The following PRMT2 variants were observed in gnomAD, a reference collection of about 807,000 sequenced individuals.
PRMT2 encodes protein arginine N-methyltransferase 2.
Under a neutral mutation model 57.6 loss-of-function variants are expected in PRMT2, and 26 were observed. That is an observed-to-expected ratio of 0.45 (90% CI 0.33 to 0.63). PRMT2 has a LOEUF of 0.63. Ranked by LOEUF, PRMT2 falls within the 20% of genes least tolerant of loss-of-function variation. The probability of loss-of-function intolerance (pLI) is 0.02; values close to 1 mark genes in which losing one functional copy is unlikely to be tolerated. For missense variants in PRMT2, 472 were observed against 564.4 expected (o/e 0.84, Z 1.66); for synonymous variants, 219 against 220.0 (o/e 1.00, Z 0.04).
chr21:46,652,016 G>A, intron 7 of PRMT2: 1 of 1,613,094 alleles, frequency 6.2e-7, no homozygotes, highest in Non-Finnish European at 8.5e-7. Flanking sequence ...ACGCTGACAT[G>A]TAGTAAAAGT....
At chr21:46,637,303 G>C (rs992770646) in intron 3 of PRMT2, among the ~76,000 whole-genome samples, 4 of 152,126 alleles carry the variant, frequency 2.6e-5, no homozygotes, top group Admixed American at 2.0e-4. Flanking sequence ...TAAAATTTCA[G>C]GCATAATACC....
chr21:46,648,377 G>T lies in PRMT2; in HGVS notation c.328-81G>T. The T allele has an allele frequency of 6.6e-7, 1 of 1,504,380 alleles. No individual in the cohort carries two copies. 93.2% of individuals were successfully genotyped at this position (1,504,380 alleles called of 1,614,324 possible). On this transcript the variant is annotated intron_variant, in intron 5 of 11. Transcript: ENST00000355680. This position sits in a 1 kb window ranked among gnomAD's most constrained non-coding sequence, Gnocchi z 4.8. ...GTTGGGGTCAGGGGTCATCAGCTGT[G>T]GCTCTGACCCTCCATCTCAGTCCAG...
chr21:46,660,916 C>T lies in PRMT2; in HGVS notation c.914C>T (p.Thr305Ile), dbSNP rs748902334. 1 of 1,613,490 alleles carries T rather than the reference C, an allele frequency of 6.2e-7. No homozygotes were observed. Among genetic ancestry groups the T allele is most frequent in the Non-Finnish European group, 8.5e-7 (1 of 1,179,496 alleles). ...KPEDCLSEPC[T>I]ILQLDMRTVQ... ...GAAGACTGTCTCTCTGAACCGTGCA[C>T]TATATTGCAGTTGGACATGAGAACC... Residue 305 changes from threonine to isoleucine, a missense_variant, in exon 9 of 12, where the codon ACT becomes ATT. Around this residue, in one of 2 missense-constraint regions of PRMT2, gnomAD observed 229 missense variants for 217.2 expected, o/e 1.05. Transcript: ENST00000355680.
At chr21:46,651,973 C>A in intron 7 of PRMT2, 7 of 1,613,294 alleles carry the variant, frequency 4.3e-6, no homozygotes, top group Middle Eastern at 1.6e-4. Flanking sequence ...AGCCCTCAGG[C>A]CTTCATCTCT....
intron 7 of PRMT2, chr21:46,652,093 G>T: frequency 6.4e-7 from 1 of 1,552,306 alleles, no homozygotes; most frequent in Non-Finnish European, 8.7e-7. Context: ...GTGCAGCAAG[G>T]GCATGTAGTT....
rs779003872 is a variant in PRMT2, at chr21:46,649,293, C to T, written c.490-282C>T. ...CTGGTCATGGATTAAGATTGCTGTG[C>T]GTGTGGCAGCCGGCTCGGGCATGCG... is the stretch of plus-strand genomic sequence containing the variant. On this transcript the variant is annotated intron_variant, in intron 6 of 11. Coordinates refer to ENST00000355680, the MANE Select transcript of PRMT2 (RefSeq NM_206962.4). The surrounding 1 kb of genome is among the most constrained non-coding windows in gnomAD (Gnocchi z 4.8). Among the ~76,000 whole-genome samples the T allele has an allele frequency of 3.3e-5, 5 of 152,184 alleles. No homozygotes were observed. Among genetic ancestry groups the T allele is most frequent in the African/African-American group, 7.2e-5 (3 of 41,444 alleles).
intron 5 of PRMT2, among the ~76,000 whole-genome samples, chr21:46,647,435 A>G (rs1377497921): frequency 3.3e-5 from 5 of 152,236 alleles, no homozygotes; most frequent in South Asian, 2.1e-4. Flanking sequence ...CTTCCTCACT[A>G]TAAGATTATA....
At chr21:46,644,263 A>ATC (rs1451026603) in intron 4 of PRMT2, 43 bp from the exon 5 acceptor site, 1 of 1,576,098 alleles carries the variant, frequency 6.3e-7, no homozygotes, top group Non-Finnish European at 8.6e-7. Flanking sequence ...TTGAAATACC[A>ATC]ATGACTGGTT....
In PRMT2 at chr21:46,660,927, T is replaced by C. The variant is rs2061610510; in HGVS notation, c.925T>C (p.Leu309=). The change falls in exon 9 of 12, where the codon TTG becomes CTG. Residue 309 remains leucine, a synonymous_variant. Coordinates refer to ENST00000355680, the MANE Select transcript of PRMT2 (RefSeq NM_206962.4). ...CLSEPCTILQ[L]DMRTVQISDL... is the part of the protein sequence containing the mutation. ...CTCTGAACCGTGCACTATATTGCAG[T>C]TGGACATGAGAACCGTGCAAATTTC... The C allele has an allele frequency of 5.6e-6, 9 of 1,613,414 alleles. No homozygotes were observed. Among genetic ancestry groups the C allele is most frequent in the South Asian group, 1.1e-5 (1 of 91,048 alleles).
At chr21:46,643,333 AT>A (rs906519000) in intron 3 of PRMT2, 11,887 of 867,444 alleles carry the variant, frequency 0.014, no homozygotes, top group Non-Finnish European at 0.014. Context: ...GGTCCAGATA[AT>A]TTTTTTTTTT....
intron 5 of PRMT2, 146 bp downstream of exon 5, chr21:46,644,634 G>T: frequency 4.1e-6 from 3 of 725,052 alleles, no homozygotes; most frequent in Non-Finnish European, 6.3e-6. Flanking sequence ...TGGTTGTGTG[G>T]AAGCCACTGT....
At chr21:46,653,873 C>T in intron 7 of PRMT2, 1 of 1,020,946 alleles carries the variant, frequency 9.8e-7, no homozygotes, top group Non-Finnish European at 1.2e-6. Flanking sequence ...CTCTTCACCT[C>T]CTTCTACAAC....
chr21:46,638,448 T>G (rs767671719), intron 3 of PRMT2, among the ~76,000 whole-genome samples: 4 of 152,246 alleles, frequency 2.6e-5, no homozygotes, highest in Non-Finnish European at 2.9e-5. Flanking sequence ...TTTCAAACAA[T>G]GCTGTAGTGA....
intron 9 of PRMT2, 175 bp downstream of exon 9, chr21:46,661,137 GTCTTTTT>G (rs1255353310): frequency 8.1e-6 from 5 of 617,930 alleles, no homozygotes; most frequent in Non-Finnish European, 1.0e-5. Flanking sequence ...ATTTTTTCCA[GTCTTTTT>G]TCTTTTTTAC....
At chr21:46,638,704 T>C (rs998634248) in intron 3 of PRMT2, among the ~76,000 whole-genome samples, 1 of 152,256 alleles carries the variant, frequency 6.6e-6, no homozygotes, top group Non-Finnish European at 1.5e-5. Context: ...CATGGTAGTA[T>C]TTCAGTAATA....
chr21:46,661,723 G>A (rs887014873), intron 9 of PRMT2, 77 bp from the exon 10 acceptor site: 45 of 1,249,682 alleles, frequency 3.6e-5, no homozygotes, highest in Admixed American at 8.3e-5. Flanking sequence ...CGCGGGGCGC[G>A]TGGAGGGGGC....
In PRMT2 at chr21:46,649,271, G is replaced by T. The variant is rs573566949; in HGVS notation, c.490-304G>T. ...TGGGTGCTAAGAAGTTGCTGTGCTG[G>T]TCATGGATTAAGATTGCTGTGCGTG... On this transcript the variant is annotated intron_variant, in intron 6 of 11. Coordinates refer to ENST00000355680, the MANE Select transcript of PRMT2 (RefSeq NM_206962.4). The surrounding 1 kb of genome is among the most constrained non-coding windows in gnomAD (Gnocchi z 4.8). Among the ~76,000 whole-genome samples, 1 of 152,326 alleles carries T rather than the reference G, an allele frequency of 6.6e-6. No homozygotes were observed. Among genetic ancestry groups the T allele is most frequent in the Admixed American group, 6.5e-5 (1 of 15,308 alleles).
intron 7 of PRMT2, among the ~76,000 whole-genome samples, chr21:46,654,661 C>T (rs1369761617): frequency 1.3e-5 from 2 of 152,068 alleles, no homozygotes. Flanking sequence ...ATACAAATAA[C>T]ACACCAATAC....
chr21:46,661,970 G>C, intron 10 of PRMT2, 34 bp downstream of exon 10: 1 of 1,120,522 alleles, frequency 8.9e-7, no homozygotes, highest in Non-Finnish European at 1.1e-6. Context: ...GGGGTGCGGG[G>C]TGGGGGGCAG....
Sources: gnomAD v4.1 joint callset for allele counts (sites outside exome capture counted in the v4.1 genomes callset) on GRCh38, gnomAD v4.1.1 for gene constraint, gnomAD v4.1.1 regional missense constraint, Gnocchi (gnomAD v3.1) non-coding constraint, MANE v1.5 for transcripts, NCBI Gene and HGNC (gene_info 2026-07-23, HGNC 2026-07-21) for gene names.